The following CORO2B variants were observed in gnomAD, a reference collection of about 807,000 sequenced individuals.
CORO2B encodes coronin-2B.
Under a neutral mutation model 58.8 loss-of-function variants are expected in CORO2B, and 26 were observed. The ratio of observed to expected loss-of-function variants is 0.44; its 90% CI spans 0.32 to 0.61. The LOEUF (loss-of-function observed/expected upper bound fraction) is 0.61. Ranked by LOEUF, CORO2B falls within the 20% of genes least tolerant of loss-of-function variation. The probability of loss-of-function intolerance (pLI) is 0.04; values close to 1 mark genes in which losing one functional copy is unlikely to be tolerated. For synonymous variants in CORO2B, 242 were observed against 253.8 expected, an observed-to-expected ratio of 0.95 and a Z score of 0.44; for missense variants, 460 against 645.1, an observed-to-expected ratio of 0.71 and a Z score of 3.11.
At chr15:68,667,369 T>C (rs1440207899) in intron 2 of CORO2B, among the ~76,000 whole-genome samples, 1 of 152,192 alleles carries the variant, frequency 6.6e-6, no homozygotes, top group Non-Finnish European at 1.5e-5. Flanking sequence ...GTCCTTGCCA[T>C]GTTTGAGGCA....
rs376946458 is a variant in CORO2B, at chr15:68,708,838, T to C, written c.334-1894T>C. On this transcript the variant is annotated intron_variant, in intron 3 of 11. Coordinates refer to ENST00000261861, the MANE Select transcript of CORO2B (RefSeq NM_006091.5). ...GGGACTACAGGTGCATGCCACAACA[T>C]CTGGCTAATTTTTTCAATTTTTTGT... 3.2e-3 allele frequency among the ~76,000 whole-genome samples: 485 copies of C among 152,114 alleles called. 6 individuals carry two copies. The highest frequency in any genetic ancestry group is 0.011 in the African/African-American group (469 of 41,512).
At chr15:68,523,849 C>A in the CORO2B span, among the ~76,000 whole-genome samples, 1 of 152,146 alleles carries the variant, frequency 6.6e-6, no homozygotes, top group Non-Finnish European at 1.5e-5. Context: ...CAAAGAACTT[C>A]CTTTTTTTTC....
the CORO2B span, among the ~76,000 whole-genome samples, chr15:68,567,687 G>A: frequency 1.3e-5 from 2 of 152,256 alleles, no homozygotes; most frequent in South Asian, 2.1e-4. Flanking sequence ...GCGTATTTTC[G>A]GAAGGCATGC....
chr15:68,605,527 T>C (rs1193655768), intron 1 of CORO2B, among the ~76,000 whole-genome samples: 1 of 152,194 alleles, frequency 6.6e-6, no homozygotes, highest in Non-Finnish European at 1.5e-5. Flanking sequence ...AATACCAAAA[T>C]GATATGGCAG....
At chr15:68,526,666 C>T in the CORO2B span, among the ~76,000 whole-genome samples, 3 of 152,152 alleles carry the variant, frequency 2.0e-5, no homozygotes, top group East Asian at 3.8e-4. Context: ...CTTTTGTCAG[C>T]TATATGAATA....
chr15:68,575,083 A>G (rs1899254598), upstream of CORO2B, among the ~76,000 whole-genome samples: 1 of 152,190 alleles, frequency 6.6e-6, no homozygotes. Context: ...TCCCACCTCC[A>G]TAAGAACCAG....
intron 1 of CORO2B, among the ~76,000 whole-genome samples, chr15:68,626,250 G>C (rs1900679350): frequency 6.6e-6 from 1 of 152,268 alleles, no homozygotes. Flanking sequence ...GAGTGTAATT[G>C]GAGCATCCCC....
intron 3 of CORO2B, among the ~76,000 whole-genome samples, chr15:68,695,474 G>A (rs1049401836): frequency 6.6e-6 from 1 of 152,224 alleles, no homozygotes; most frequent in Admixed American, 6.5e-5. Context: ...TTTTCAGTGT[G>A]ATTGAGCTTG....
upstream of CORO2B, among the ~76,000 whole-genome samples, chr15:68,574,826 A>G (rs904275345): frequency 3.9e-5 from 6 of 152,210 alleles, no homozygotes; most frequent in African/African-American, 1.4e-4. Context: ...CAGAGCTGAC[A>G]CTTGAGCTGG....
At chr15:68,576,322 G>A (rs1409385745), upstream of CORO2B, among the ~76,000 whole-genome samples, 2 of 152,134 alleles carry the variant, frequency 1.3e-5, no homozygotes, top group Non-Finnish European at 2.9e-5. Context: ...CAGAAGAGGT[G>A]AGCCAGCAGC....
chr15:68,619,762 T>C (rs977024084), intron 1 of CORO2B, among the ~76,000 whole-genome samples: 1 of 152,208 alleles, frequency 6.6e-6, no homozygotes, highest in Non-Finnish European at 1.5e-5. Context: ...TGCGTGTGTG[T>C]GTGTGCACGT....
At chr15:68,667,911 A>AT (rs1902247108) in intron 2 of CORO2B, among the ~76,000 whole-genome samples, 1 of 152,178 alleles carries the variant, frequency 6.6e-6, no homozygotes, top group Admixed American at 6.5e-5. Flanking sequence ...TAGATGAGTT[A>AT]TTACTCCCGA....
chr15:68,688,406 C>G (rs2131012), intron 2 of CORO2B, among the ~76,000 whole-genome samples: 135,978 of 152,182 alleles, frequency 0.89, 61,631 homozygotes, highest in East Asian at 1. Flanking sequence ...TCTGAAACTT[C>G]TTGATCACCA....
At chr15:68,712,760 C>T (rs145994534) in intron 5 of CORO2B, among the ~76,000 whole-genome samples, 1 of 152,118 alleles carries the variant, frequency 6.6e-6, no homozygotes, top group African/African-American at 2.4e-5. Flanking sequence ...GGTGCTGTTA[C>T]TCCTCTCATG....
At chr15:68,637,355 T>C (rs1901062318) in intron 1 of CORO2B, among the ~76,000 whole-genome samples, 1 of 152,244 alleles carries the variant, frequency 6.6e-6, no homozygotes, top group African/African-American at 2.4e-5. Context: ...ACATGTGCTG[T>C]GTTCCTCCTG....
chr15:68,545,731 C>G, the CORO2B span, among the ~76,000 whole-genome samples: 1 of 151,898 alleles, frequency 6.6e-6, no homozygotes, highest in Non-Finnish European at 1.5e-5. Context: ...AGAAAACTAT[C>G]ATAGTCCAAT....
rs577952945 is a variant in CORO2B at position 68,604,515 on chromosome 15, T to A, written c.15+25238T>A. ...AATTAAAAAGGTGTGGTTTTTTTTT[T>A]AAAAGGCGACTTTATCTCAGCAGCA... On this transcript the variant is annotated intron_variant, in intron 1 of 11. Transcript: ENST00000261861. Among the ~76,000 whole-genome samples the A allele has an allele frequency of 5.3e-5, 8 of 151,848 alleles. No homozygotes were observed. The South Asian group carries it at 1.2e-3, about 24-fold the overall frequency.
At chr15:68,664,650 AAAAAACC>A (rs373505897) in intron 2 of CORO2B, among the ~76,000 whole-genome samples, 3 of 152,206 alleles carry the variant, frequency 2.0e-5, no homozygotes, top group South Asian at 4.1e-4. Flanking sequence ...CTGTCTCAAA[AAAAAACC>A]AAAAACCAAA....
intron 1 of CORO2B, 64 bp downstream of exon 1, chr15:68,579,341 C>A (rs1292837845): frequency 4.0e-5 from 49 of 1,226,990 alleles, no homozygotes; most frequent in Non-Finnish European, 4.7e-5. Context: ...GGCTAGGCTG[C>A]GGGGGGCGCG....
Sources: allele counts gnomAD v4.1 joint callset (sites outside exome capture counted in the v4.1 genomes callset), GRCh38; gene constraint gnomAD v4.1.1; transcripts MANE v1.5; gene names NCBI Gene and HGNC (gene_info 2026-07-23, HGNC 2026-07-21).